The following ARHGAP42 variants were observed in gnomAD, a reference collection of about 807,000 sequenced individuals.
The protein encoded by ARHGAP42 is rho GTPase-activating protein 42.
In ARHGAP42, 63 loss-of-function variants were observed where a neutral mutation model predicts 125.0. That is an observed-to-expected ratio of 0.50 (90% CI 0.41 to 0.62). The LOEUF (loss-of-function observed/expected upper bound fraction) is 0.62. Ranked by LOEUF, ARHGAP42 falls within the 20% of genes least tolerant of loss-of-function variation. The pLI is 0.00. For missense variants in ARHGAP42, 766 were observed against 1,024.2 expected (o/e 0.75, Z 3.44); for synonymous variants, 339 against 351.0 (o/e 0.97, Z 0.38).
At chr11:100,952,600 G>T (rs1382750296) in intron 12 of ARHGAP42, among the ~76,000 whole-genome samples, 3 of 152,080 alleles carry the variant, frequency 2.0e-5, no homozygotes, top group African/African-American at 4.8e-5. Flanking sequence ...CTGTTGAAAA[G>T]TCAAGACTAT....
chr11:100,974,428 A>G lies in ARHGAP42; in HGVS notation c.1711-31A>G, dbSNP rs775957565. 3.9e-6 allele frequency: 6 copies of G among 1,543,370 alleles called. No individual in the cohort carries two copies. The African/African-American group carries it at 8.2e-5, about 21-fold the overall frequency. On this transcript the variant is annotated intron_variant, in intron 18 of 23. Transcript: ENST00000298815. ...ATGAAAGTGGCAATATCACCCTTTT[A>G]TTGACCTTGGTCCATTTTTCTTATA...
At chr11:100,902,245 T>A (rs1866573237) in intron 4 of ARHGAP42, among the ~76,000 whole-genome samples, 1 of 152,182 alleles carries the variant, frequency 6.6e-6, no homozygotes, top group Non-Finnish European at 1.5e-5. Flanking sequence ...ATGCTGATTT[T>A]GAGAAAGGTG....
At chr11:100,757,944 A>G (rs752354066) in intron 1 of ARHGAP42, among the ~76,000 whole-genome samples, 2 of 152,228 alleles carry the variant, frequency 1.3e-5, no homozygotes. Flanking sequence ...ACCATCCGTT[A>G]TAAAATATTT....
chr11:100,901,232 A>G (rs1296000859), intron 4 of ARHGAP42, among the ~76,000 whole-genome samples: 1 of 152,208 alleles, frequency 6.6e-6, no homozygotes, highest in Non-Finnish European at 1.5e-5. Context: ...GCAGCAGAAC[A>G]GCAAATATCG....
chr11:100,721,036 A>G (rs932085776), intron 1 of ARHGAP42, among the ~76,000 whole-genome samples: 1 of 152,240 alleles, frequency 6.6e-6, no homozygotes, highest in Middle Eastern at 3.4e-3. Flanking sequence ...TATGAAGTCA[A>G]GTTTCCCCTA....
At chr11:100,885,955 A>G (rs894256190) in intron 4 of ARHGAP42, among the ~76,000 whole-genome samples, 2 of 152,224 alleles carry the variant, frequency 1.3e-5, no homozygotes, top group Admixed American at 1.3e-4. Context: ...TTGTGTCCTA[A>G]GCAATTCTTG....
chr11:100,724,016 T>G (rs1326631309), intron 1 of ARHGAP42, among the ~76,000 whole-genome samples: 1 of 152,186 alleles, frequency 6.6e-6, no homozygotes, highest in African/African-American at 2.4e-5. Context: ...ACTTTTTAAT[T>G]TTAATTGACA....
intron 6 of ARHGAP42, among the ~76,000 whole-genome samples, chr11:100,929,898 T>A (rs1009466949): frequency 6.6e-6 from 1 of 152,202 alleles, no homozygotes; most frequent in Non-Finnish European, 1.5e-5. Flanking sequence ...CACGAGTTTT[T>A]AATTTTGAAT....
At chr11:100,902,285 GCTAA>G (rs1455131177) in intron 4 of ARHGAP42, among the ~76,000 whole-genome samples, 2 of 152,224 alleles carry the variant, frequency 1.3e-5, no homozygotes, top group East Asian at 1.9e-4. Context: ...CCATCCTCTT[GCTAA>G]CTGAGTGGCC....
At chr11:100,865,210 G>A (rs918257452) in intron 4 of ARHGAP42, among the ~76,000 whole-genome samples, 6 of 151,978 alleles carry the variant, frequency 3.9e-5, no homozygotes, top group South Asian at 2.1e-4. Context: ...CTGAACATTC[G>A]TTTATTATTT....
rs555041930 is a variant in ARHGAP42, at chr11:100,691,854, C to T, written c.154+4022C>T. ...AGATTTTAAGTGTTCTAACCACACA[C>T]ACAAAAGTGATAAGTTTATGGGGTA... On this transcript the variant is annotated intron_variant, in intron 1 of 23. Coordinates refer to ENST00000298815, the MANE Select transcript of ARHGAP42 (RefSeq NM_152432.4). Among the ~76,000 whole-genome samples, 7 of 152,224 alleles carry T rather than the reference C, an allele frequency of 4.6e-5. No individual in the cohort carries two copies. In the East Asian group the frequency reaches 1.3e-3, roughly 29 times the overall value.
intron 1 of ARHGAP42, among the ~76,000 whole-genome samples, chr11:100,697,111 G>A (rs1444247218): frequency 6.6e-6 from 1 of 151,990 alleles, no homozygotes; most frequent in Non-Finnish European, 1.5e-5. Flanking sequence ...AGGTGGAAAC[G>A]GAATGACATC....
intron 4 of ARHGAP42, among the ~76,000 whole-genome samples, chr11:100,875,887 T>C (rs1304188705): frequency 1.3e-5 from 2 of 152,202 alleles, no homozygotes; most frequent in Non-Finnish European, 2.9e-5. Context: ...TAAATAAAGT[T>C]TTATTGGAAT....
chr11:100,816,237 A>G (rs1233979457), intron 3 of ARHGAP42, among the ~76,000 whole-genome samples: 5 of 152,188 alleles, frequency 3.3e-5, no homozygotes, highest in African/African-American at 7.2e-5. Flanking sequence ...CCTGTTTTCT[A>G]TAATGGCTGC....
intron 1 of ARHGAP42, among the ~76,000 whole-genome samples, chr11:100,766,688 T>C (rs1862837217): frequency 1.3e-5 from 2 of 152,200 alleles, no homozygotes; most frequent in African/African-American, 4.8e-5. Flanking sequence ...TTTTAGAGGT[T>C]GATCATTATT....
Position 100,819,765 on chromosome 11 carries a change from T to G in ARHGAP42, c.312+24599T>G, listed in dbSNP as rs76833307. Among the ~76,000 whole-genome samples, 295 of 152,256 alleles carry G rather than the reference T, an allele frequency of 1.9e-3. 1 individual carries two copies. Among genetic ancestry groups the G allele is most frequent in the African/African-American group, 6.6e-3 (275 of 41,550 alleles). ...AATTATATGTTAAATAAAATCAAAT[T>G]ATTAGGGAGCTTTCCAAATCTGTAT... On this transcript the variant is annotated intron_variant, in intron 3 of 23. Transcript: ENST00000298815.
chr11:100,757,808 C>A (rs1305383991), intron 1 of ARHGAP42, among the ~76,000 whole-genome samples: 1 of 152,128 alleles, frequency 6.6e-6, no homozygotes, highest in Non-Finnish European at 1.5e-5. Flanking sequence ...GCCTTTACTT[C>A]CCTGGCAGCC....
intron 1 of ARHGAP42, among the ~76,000 whole-genome samples, chr11:100,691,609 A>G (rs539085962): frequency 2.0e-5 from 3 of 152,240 alleles, no homozygotes; most frequent in Non-Finnish European, 1.5e-5. Context: ...TCTACCTCCC[A>G]GGCTCAGGTG....
chr11:100,811,885 A>G (rs922293966), intron 3 of ARHGAP42, among the ~76,000 whole-genome samples: 13 of 152,142 alleles, frequency 8.5e-5, no homozygotes, highest in East Asian at 7.7e-4. Context: ...TACCTCATTT[A>G]TGGAGCTTAC....
Sources: allele counts gnomAD v4.1 joint callset (sites outside exome capture counted in the v4.1 genomes callset), GRCh38; gene constraint gnomAD v4.1.1; transcripts MANE v1.5; gene names NCBI Gene and HGNC (gene_info 2026-07-23, HGNC 2026-07-21).